TPM3: variants seen among roughly 807,000 people sequenced by gnomAD.
The protein encoded by TPM3 is tropomyosin 3.
TPM3 carries 16 observed loss-of-function variants against 43.1 expected under a neutral mutation model. That is an observed-to-expected ratio of 0.37 (90% CI 0.25 to 0.56). The LOEUF (loss-of-function observed/expected upper bound fraction) is 0.56, where lower values mean the gene tolerates loss of function less well. TPM3 is among the 20% of genes least tolerant of loss of function. The pLI is 0.77. For missense variants in TPM3, 176 were observed against 337.2 expected, an observed-to-expected ratio of 0.52 and a Z score of 3.74; for synonymous variants, 101 against 116.9, an observed-to-expected ratio of 0.86 and a Z score of 0.88.
At chr1:154,183,305 G>A (rs757093162) in intron 2 of TPM3, 86 of 1,485,524 alleles carry the variant, frequency 5.8e-5, no homozygotes, top group Non-Finnish European at 7.3e-5. Flanking sequence ...TCCACTGGAG[G>A]GAGAGCCGCG....
chr1:154,160,682 C>G (rs572495343), downstream of TPM3, among the ~76,000 whole-genome samples: 53 of 152,212 alleles, frequency 3.5e-4, no homozygotes, highest in South Asian at 1.5e-3. Context: ...CAGGGGACAG[C>G]AATACACAGG....
intron 8 of TPM3, 177 bp from the exon 9 acceptor site, chr1:154,169,560 C>G: frequency 1.6e-6 from 1 of 644,082 alleles, no homozygotes; most frequent in Non-Finnish European, 2.8e-6. Flanking sequence ...CTACTCTCTC[C>G]TATGACCAAC....
rs939202295 is a variant in TPM3 at position 154,163,313 on chromosome 1, A to G, written c.*4624T>C. 2.6e-5 allele frequency among the ~76,000 whole-genome samples: 4 copies of G among 152,240 alleles called. No individual in the cohort carries two copies. Among genetic ancestry groups the G allele is most frequent in the Non-Finnish European group, 5.9e-5 (4 of 68,042 alleles). ...AGTGCTTGACTGCCACATGTGGCTAATGTACTAGACATCATTACCAAAAGT... is the reference window on the plus strand; with the variant it reads ...AGTGCTTGACTGCCACATGTGGCTAGTGTACTAGACATCATTACCAAAAGT... On this transcript the variant is annotated 3_prime_UTR_variant, in exon 10 of 10. Coordinates refer to ENST00000651641, the MANE Select transcript of TPM3 (RefSeq NM_152263.4).
At chr1:154,181,520 A>G (rs1423532386) in intron 2 of TPM3, among the ~76,000 whole-genome samples, 2 of 152,228 alleles carry the variant, frequency 1.3e-5, no homozygotes, top group South Asian at 2.1e-4. Context: ...ACAAAGCCTC[A>G]ACTCGTATCA....
chr1:154,155,369 TAAC>T, downstream of TPM3: 1 of 368,312 alleles, frequency 2.7e-6, no homozygotes, highest in South Asian at 3.4e-5. Flanking sequence ...CTGTTTATCT[TAAC>T]ACCACACCCT....
chr1:154,169,517 T>A (rs746265196), intron 8 of TPM3, 134 bp from the exon 9 acceptor site: 29 of 834,642 alleles, frequency 3.5e-5, no homozygotes, highest in Non-Finnish European at 5.6e-5. Flanking sequence ...GGAAAATATC[T>A]ACTCTGGCAA....
At chr1:154,159,991 CTTT>C (rs60242183), downstream of TPM3, among the ~76,000 whole-genome samples, 64 of 129,818 alleles carry the variant, frequency 4.9e-4, no homozygotes, top group East Asian at 4.9e-3. Flanking sequence ...AAGTTATTTC[CTTT>C]TTTTTTTTTT....
At chr1:154,171,997 T>TA in intron 5 of TPM3, 1 of 1,611,758 alleles carries the variant, frequency 6.2e-7, no homozygotes, top group Non-Finnish European at 8.5e-7. Context: ...ACACCACATA[T>TA]ATAACCTTGC....
At chr1:154,185,167 T>C (rs1405112154) in intron 2 of TPM3, among the ~76,000 whole-genome samples, 3 of 148,794 alleles carry the variant, frequency 2.0e-5, no homozygotes, top group Non-Finnish European at 4.5e-5. Flanking sequence ...AGGTCAGGAG[T>C]TTGAGACCAG....
At chr1:154,168,445 A>G (rs1661221871) in intron 9 of TPM3, among the ~76,000 whole-genome samples, 1 of 152,210 alleles carries the variant, frequency 6.6e-6, no homozygotes, top group Admixed American at 6.5e-5. Flanking sequence ...AAATCACAGT[A>G]TAATGAAGAA....
rs1029898278 is a variant in TPM3 at position 154,166,517 on chromosome 1, C to T, written c.*1420G>A. On this transcript the variant is annotated 3_prime_UTR_variant, in exon 10 of 10. Transcript: ENST00000651641. ...CCTGCCTCAGCCTCCCAAGAAGCTACAGGCAGTACAGGCAAGTGCCATTGC... is the reference window on the plus strand; with the variant it reads ...CCTGCCTCAGCCTCCCAAGAAGCTATAGGCAGTACAGGCAAGTGCCATTGC... 2 of 1,053,280 alleles carry T rather than the reference C, an allele frequency of 1.9e-6. No homozygotes were observed. Among genetic ancestry groups the T allele is most frequent in the African/African-American group, 3.3e-5 (2 of 60,400 alleles). The allele number at this position is 1,053,280 out of a possible 1,614,324, so 65.2% of individuals were successfully genotyped here. A position where few individuals can be genotyped will look rare whatever the true frequency, so the allele number is the denominator to read the frequency against.
In TPM3 at chr1:154,163,364, T is replaced by C. The variant is rs759635818; in HGVS notation, c.*4573A>G. On this transcript the variant is annotated 3_prime_UTR_variant, in exon 10 of 10. Coordinates refer to ENST00000651641, the MANE Select transcript of TPM3 (RefSeq NM_152263.4). ...TCTGTTGGAAAGCCCTGCTCTAAAG[T>C]AAATTATATTGCCTATATAATCTTC... Among the ~76,000 whole-genome samples, 5 of 152,184 alleles carry C rather than the reference T, an allele frequency of 3.3e-5. No individual in the cohort carries two copies. The highest frequency in any genetic ancestry group is 5.9e-5 in the Non-Finnish European group (4 of 68,032).
chr1:154,189,798 CAAAAAAAAAAAAAAAA>C (rs1167349462), intron 2 of TPM3, among the ~76,000 whole-genome samples: 94 of 43,860 alleles, frequency 2.1e-3, no homozygotes, highest in African/African-American at 5.9e-3. Flanking sequence ...AACCCTGTCT[CAAAAAAAAAAAAAAAA>C]AAAAAAGGAA....
At position 154,192,019 on chromosome 1, in the gene TPM3, G is replaced by A. The variant is rs762617705; in HGVS notation, c.-1C>T. On this transcript the variant is annotated 5_prime_UTR_variant, in exon 1 of 10. Coordinates refer to ENST00000651641, the MANE Select transcript of TPM3 (RefSeq NM_152263.4). ...TCTTTTTCTTGATGGCCTCCATCAT[G>A]AGCAGTGGCTGTTGGTAGGCTCACC... 2 of 1,612,698 alleles carry A rather than the reference G, an allele frequency of 1.2e-6. No homozygotes were observed. The highest frequency in any genetic ancestry group is 1.3e-5 in the African/African-American group (1 of 74,924).
At position 154,183,310 on chromosome 1, in the gene TPM3, G is replaced by T. The variant is rs537142893; in HGVS notation, c.244-7062C>A. On this transcript the variant is annotated intron_variant, in intron 2 of 9. Coordinates refer to ENST00000651641, the MANE Select transcript of TPM3 (RefSeq NM_152263.4). ...GGGAAGGCAGTCCACTGGAGGGAGA[G>T]CCGCGGCAGGGAGTGGATCCTCCCA... 12 of 1,481,774 alleles carry T rather than the reference G, an allele frequency of 8.1e-6. No homozygotes were observed. The South Asian group carries it at 9.2e-5, about 11-fold the overall frequency. 91.8% of individuals were successfully genotyped at this position (1,481,774 alleles called of 1,614,324 possible).
chr1:154,166,156 C>T lies in TPM3; in HGVS notation c.*1781G>A, dbSNP rs781019478. 8.8e-6 allele frequency: 2 copies of T among 226,026 alleles called. No homozygotes were observed. Among genetic ancestry groups the T allele is most frequent in the Non-Finnish European group, 1.8e-5 (2 of 113,680 alleles). The allele number at this position is 226,026 out of a possible 1,614,324, so 14.0% of individuals were successfully genotyped here. Reference sequence around the variant, plus strand: ...AAGAAATGGAATGGACAAAAGGAAACGTGAATTTGATATGACTTAAAGTTT... The same window carrying T: ...AAGAAATGGAATGGACAAAAGGAAATGTGAATTTGATATGACTTAAAGTTT... On this transcript the variant is annotated 3_prime_UTR_variant, in exon 10 of 10. Transcript: ENST00000651641.
chr1:154,167,086 T>C lies in TPM3; in HGVS notation c.*851A>G, dbSNP rs1051748533. 2.0e-4 allele frequency among the ~76,000 whole-genome samples: 31 copies of C among 152,250 alleles called. No individual in the cohort carries two copies. The highest frequency in any genetic ancestry group is 7.0e-4 in the African/African-American group (29 of 41,466). On this transcript the variant is annotated 3_prime_UTR_variant, in exon 10 of 10. Coordinates refer to ENST00000651641, the MANE Select transcript of TPM3 (RefSeq NM_152263.4). Reference sequence around the variant, plus strand: ...TATGTAATAAATCATTAGCCTCATATGCACATTATTTGAAATATGCATGAT... The same window carrying C: ...TATGTAATAAATCATTAGCCTCATACGCACATTATTTGAAATATGCATGAT...
chr1:154,178,000 G>A (rs1225132214), intron 2 of TPM3: 2 of 291,256 alleles, frequency 6.9e-6, no homozygotes, highest in African/African-American at 4.6e-5. Context: ...CAGAAAAATA[G>A]ATGTTCTCTG....
downstream of TPM3, chr1:154,157,619 C>T (rs751278594): frequency 5.2e-6 from 4 of 775,518 alleles, no homozygotes; most frequent in East Asian, 9.7e-5. Flanking sequence ...GGAGCAGCAG[C>T]AGGGTGGGAC....
Sources: gnomAD v4.1 joint callset for allele counts (sites outside exome capture counted in the v4.1 genomes callset) on GRCh38, gnomAD v4.1.1 for gene constraint, MANE v1.5 for transcripts, NCBI Gene and HGNC (gene_info 2026-07-23, HGNC 2026-07-21) for gene names.